ZNF407: variants seen among roughly 807,000 people sequenced by gnomAD.
ZNF407 encodes the protein zinc finger protein 407.
In ZNF407, 17 loss-of-function variants were observed where a neutral mutation model predicts 131.2. The ratio of observed to expected loss-of-function variants is 0.13; its 90% confidence interval spans 0.09 to 0.19. The LOEUF (loss-of-function observed/expected upper bound fraction) is 0.19. Ranked by LOEUF, ZNF407 falls within the 10% of genes least tolerant of loss-of-function variation. The pLI is 1.00. For synonymous variants in ZNF407, 1,156 were observed against 1,062.0 expected, an observed-to-expected ratio of 1.09 and a Z score of -1.72; for missense variants, 2,681 against 2,830.6, an observed-to-expected ratio of 0.95 and a Z score of 1.20.
intron 3 of ZNF407, among the ~76,000 whole-genome samples, chr18:74,677,056 C>T (rs1436668890): frequency 6.6e-6 from 1 of 152,040 alleles, no homozygotes; most frequent in African/African-American, 2.4e-5. Context: ...TGGTAATATT[C>T]ATTTACATTT....
chr18:75,021,868 GTA>G (rs1411949290), intron 8 of ZNF407, among the ~76,000 whole-genome samples: 1 of 151,900 alleles, frequency 6.6e-6, no homozygotes, highest in African/African-American at 2.4e-5. Context: ...GCTACATTCT[GTA>G]TGTCAGAAGT....
At position 75,062,154 on chromosome 18, in the gene ZNF407, C is replaced by G. The variant is rs531661429; in HGVS notation, c.5429-996C>G. ...GCCTTCCTGCCTCTGCCTGGGCCCT[C>G]GCTGCTTCTGTCTGGAACTTCTCCT... On this transcript the variant is annotated intron_variant, in intron 8 of 8. Coordinates refer to ENST00000299687, the MANE Select transcript of ZNF407 (RefSeq NM_017757.3). 3 of 152,506 alleles carry G rather than the reference C, an allele frequency of 2.0e-5. No individual in the cohort carries two copies. In the South Asian group the frequency reaches 6.2e-4, roughly 32 times the overall value. The allele number at this position is 152,506 out of a possible 1,614,324, so 9.4% of individuals were successfully genotyped here.
At chr18:74,967,987 T>C (rs1232068491) in intron 8 of ZNF407, among the ~76,000 whole-genome samples, 1 of 152,194 alleles carries the variant, frequency 6.6e-6, no homozygotes, top group Non-Finnish European at 1.5e-5. Context: ...TTTTGTGTGC[T>C]TGTTTTCATT....
chr18:74,758,474 G>C (rs918426620), intron 3 of ZNF407, among the ~76,000 whole-genome samples: 3 of 151,938 alleles, frequency 2.0e-5, no homozygotes, highest in Non-Finnish European at 4.4e-5. Context: ...TCCTGTTACT[G>C]TCATATAAAA....
intron 3 of ZNF407, among the ~76,000 whole-genome samples, chr18:74,727,613 C>T (rs961730635): frequency 2.0e-5 from 3 of 152,250 alleles, no homozygotes; most frequent in South Asian, 4.1e-4. Flanking sequence ...TTAAACTTTG[C>T]ATTTTCGTTA....
At chr18:74,685,303 G>A (rs1967071421) in intron 3 of ZNF407, among the ~76,000 whole-genome samples, 2 of 152,164 alleles carry the variant, frequency 1.3e-5, no homozygotes, top group African/African-American at 4.8e-5. Context: ...CCCACGTGAA[G>A]AGATGTGGTT....
intron 8 of ZNF407, among the ~76,000 whole-genome samples, chr18:74,987,725 A>C (rs1247949540): frequency 6.6e-6 from 1 of 152,206 alleles, no homozygotes; most frequent in Non-Finnish European, 1.5e-5. Context: ...AATAATGTTC[A>C]AATACTTAGG....
At chr18:74,722,027 T>C (rs1023565391) in intron 3 of ZNF407, among the ~76,000 whole-genome samples, 1 of 152,078 alleles carries the variant, frequency 6.6e-6, no homozygotes, top group Non-Finnish European at 1.5e-5. Flanking sequence ...GATGAAACTT[T>C]TTTGTTGCTT....
intron 3 of ZNF407, among the ~76,000 whole-genome samples, chr18:74,778,829 G>C (rs1371262045): frequency 6.6e-6 from 1 of 152,048 alleles, no homozygotes; most frequent in African/African-American, 2.4e-5. Context: ...AACGTGATGA[G>C]ACAGGGACTG....
rs796672518 is a variant in ZNF407, at chr18:74,892,893, A to T, written c.5249+2855A>T. ...AGTCTGTGCATGTTCCAGATTTTTTAAAATGGCATTTCTAGAAGCACGATT... is the reference window on the plus strand; with the variant it reads ...AGTCTGTGCATGTTCCAGATTTTTTTAAATGGCATTTCTAGAAGCACGATT... On this transcript the variant is annotated intron_variant, in intron 7 of 8. Transcript: ENST00000299687. Among the ~76,000 whole-genome samples, 29 of 152,276 alleles carry T rather than the reference A, an allele frequency of 1.9e-4. 2 individuals carry two copies. Among genetic ancestry groups the T allele is most frequent in the Admixed American group, 5.9e-4 (9 of 15,304 alleles).
chr18:74,965,853 A>C (rs1599268163), intron 8 of ZNF407, among the ~76,000 whole-genome samples: 1 of 152,232 alleles, frequency 6.6e-6, no homozygotes, highest in East Asian at 1.9e-4. Flanking sequence ...AGCCATTTTA[A>C]CTGGAGTGAG....
intron 4 of ZNF407, among the ~76,000 whole-genome samples, chr18:74,862,099 T>C (rs1460709621): frequency 1.3e-5 from 2 of 152,280 alleles, no homozygotes; most frequent in African/African-American, 4.8e-5. Context: ...CTTTAAAAGT[T>C]CTCTAAAATT....
intron 8 of ZNF407, among the ~76,000 whole-genome samples, chr18:75,036,302 G>A (rs1350827185): frequency 6.6e-6 from 1 of 151,766 alleles, no homozygotes; most frequent in Non-Finnish European, 1.5e-5. Flanking sequence ...ATAAAACGAT[G>A]TTCACAGGGA....
chr18:74,898,389 GTT>G (rs1971480834), intron 7 of ZNF407: 1 of 152,048 alleles, frequency 6.6e-6, no homozygotes, highest in Non-Finnish European at 1.5e-5. Context: ...TTTATTAGAA[GTT>G]CTAGAAAAAG....
intron 3 of ZNF407, among the ~76,000 whole-genome samples, chr18:74,760,510 C>T (rs926293680): frequency 6.6e-6 from 1 of 152,130 alleles, no homozygotes; most frequent in Admixed American, 6.5e-5. Context: ...TTCTCCCTAA[C>T]TGGTTTTATG....
At chr18:74,886,228 C>T (rs777604612) in intron 6 of ZNF407, among the ~76,000 whole-genome samples, 7 of 152,106 alleles carry the variant, frequency 4.6e-5, no homozygotes, top group African/African-American at 1.2e-4. Flanking sequence ...TCGGCACCCT[C>T]GGAGGAATGC....
At chr18:75,017,022 T>C (rs1421362422) in intron 8 of ZNF407, among the ~76,000 whole-genome samples, 1 of 152,112 alleles carries the variant, frequency 6.6e-6, no homozygotes, top group Non-Finnish European at 1.5e-5. Flanking sequence ...AGCTGAAATA[T>C]GTAAAACTGA....
intron 8 of ZNF407, among the ~76,000 whole-genome samples, chr18:74,971,897 G>A (rs9989516): frequency 0.22 from 34,196 of 151,992 alleles, 5,017 homozygotes; most frequent in African/African-American, 0.41. Context: ...AATCGGACTT[G>A]CAGTTCCACA....
Position 75,012,301 on chromosome 18 carries a change from T to TAGCAGGCTCTGG in ZNF407, c.5429-50849_5429-50848insAGCAGGCTCTGG, listed in dbSNP as rs1568300448. On this transcript the variant is annotated intron_variant, in intron 8 of 8. Transcript: ENST00000299687. ...ACATAGTGTATGTACACATAGTGTA[T>TAGCAGGCTCTGG]GTACACATAGTGTATGTACACATAG... 5.3e-5 allele frequency among the ~76,000 whole-genome samples: 6 copies of TAGCAGGCTCTGG among 112,480 alleles called. 1 individual carries two copies. The highest frequency in any genetic ancestry group is 3.3e-4 in the Admixed American group (3 of 9,124). 73.8% of individuals were successfully genotyped at this position (112,480 alleles called of 152,430 possible).
Sources: allele counts gnomAD v4.1 joint callset (sites outside exome capture counted in the v4.1 genomes callset), GRCh38; gene constraint gnomAD v4.1.1; transcripts MANE v1.5; gene names NCBI Gene and HGNC (gene_info 2026-07-23, HGNC 2026-07-21).